The following KIAA1671 variants were observed in gnomAD, a reference collection of about 807,000 sequenced individuals.
KIAA1671 encodes the protein KIAA1671.
A neutral mutation model predicts 131.2 loss-of-function variants in KIAA1671; 52 were observed. The observed-to-expected ratio is 0.40, with a 90% confidence interval of 0.32 to 0.50. The LOEUF is 0.50. Among genes scored for constraint, KIAA1671 ranks in the 20% least tolerant of loss-of-function variants. The pLI is 0.73. For missense variants in KIAA1671, 2,360 were observed against 2,364.2 expected (o/e 1.00, Z 0.04); for synonymous variants, 1,003 against 961.6 (o/e 1.04, Z -0.80).
At chr22:25,003,504 G>A (rs983967510) in intron 1 of KIAA1671, among the ~76,000 whole-genome samples, 20 of 147,274 alleles carry the variant, frequency 1.4e-4, no homozygotes, top group Admixed American at 2.8e-4. Context: ...CTCCACCTCC[G>A]GGGTTCACGC....
At chr22:25,185,143 G>T (rs957961132) in intron 11 of KIAA1671, 24 bp downstream of exon 11, 3 of 1,527,078 alleles carry the variant, frequency 2.0e-6, no homozygotes, top group South Asian at 1.2e-5. Context: ...GGGAATGGGG[G>T]TCCCTCTCCT....
At chr22:25,096,478 G>T (rs539998704) in intron 6 of KIAA1671, among the ~76,000 whole-genome samples, 1 of 152,160 alleles carries the variant, frequency 6.6e-6, no homozygotes, top group African/African-American at 2.4e-5. Flanking sequence ...GGCTTCTCAG[G>T]CTTCCATCTT....
Position 25,032,648 on chromosome 22 carries a change from G to A in KIAA1671, c.1581G>A (p.Glu527=). ...SSASSNEVKY[E]KSAELSGEFP... is the part of the protein sequence containing the mutation. ...CTTCCAGCAACGAAGTCAAATATGA[G>A]AAGAGTGCTGAGCTGAGCGGCGAGT... Residue 527 remains glutamate, a synonymous_variant, in exon 4 of 13, where the codon GAG becomes GAA. Transcript: ENST00000358431. The A allele has an allele frequency of 6.5e-7, 1 of 1,547,934 alleles. No homozygotes were observed. The highest frequency in any genetic ancestry group is 8.7e-7 in the Non-Finnish European group (1 of 1,144,004).
chr22:25,040,578 G>A lies in KIAA1671; in HGVS notation c.3448G>A (p.Ala1150Thr). Residue 1150 changes from alanine (A) to threonine (T), a missense_variant, in exon 5 of 13, where the codon GCG becomes ACG. Physicochemically the swap from Ala to Thr is moderately conservative, Grantham distance 58. Coordinates refer to ENST00000358431, the MANE Select transcript of KIAA1671 (RefSeq NM_001145206.2). ...PRPQSNWKES[A>T]NKMSPSGGAP... Reference sequence around the variant, plus strand: ...TCCTCAAAGCAATTGGAAGGAAAGTGCGAACAAGATGTCCCCCAGCGGCGG... The same window carrying A: ...TCCTCAAAGCAATTGGAAGGAAAGTACGAACAAGATGTCCCCCAGCGGCGG... 1 of 1,551,784 alleles carries A rather than the reference G, an allele frequency of 6.4e-7. No individual in the cohort carries two copies. Among genetic ancestry groups the A allele is most frequent in the Non-Finnish European group, 8.7e-7 (1 of 1,147,024 alleles).
chr22:25,014,373 A>G (rs1379279479), intron 1 of KIAA1671: 4 of 152,118 alleles, frequency 2.6e-5, no homozygotes, highest in Non-Finnish European at 2.9e-5. Context: ...GGAAATGTCA[A>G]CGTTGTTGTA....
intron 6 of KIAA1671, among the ~76,000 whole-genome samples, chr22:25,124,133 G>A (rs1454352470): frequency 6.6e-6 from 1 of 152,170 alleles, no homozygotes; most frequent in Non-Finnish European, 1.5e-5. Context: ...ACCCTTTTAG[G>A]AGTTGGCATG....
At chr22:24,996,694 AG>A (rs757729786) in intron 1 of KIAA1671, among the ~76,000 whole-genome samples, 1 of 152,176 alleles carries the variant, frequency 6.6e-6, no homozygotes, top group Non-Finnish European at 1.5e-5. Flanking sequence ...CCTTGGGGCA[AG>A]GGTAAGTAGC....
At chr22:25,126,202 T>C (rs1290431724) in intron 6 of KIAA1671, among the ~76,000 whole-genome samples, 2 of 152,350 alleles carry the variant, frequency 1.3e-5, no homozygotes, top group Non-Finnish European at 2.9e-5. Flanking sequence ...ATATTTGCTT[T>C]CTGCCAAAGC....
intron 1 of KIAA1671, among the ~76,000 whole-genome samples, chr22:24,956,945 C>T (rs1017285140): frequency 6.6e-6 from 1 of 151,706 alleles, no homozygotes; most frequent in African/African-American, 2.4e-5. Flanking sequence ...GCCCTGCCTG[C>T]TCCTGGCTGT....
rs1335837325 is a variant in KIAA1671, at chr22:25,195,872, C to T, written c.*3471C>T. 6.6e-6 allele frequency: 1 copy of T among 152,238 alleles called. No homozygotes were observed. Among genetic ancestry groups the T allele is most frequent in the African/African-American group, 2.4e-5 (1 of 41,542 alleles). The allele number at this position is 152,238 out of a possible 1,614,324, so 9.4% of individuals were successfully genotyped here. On this transcript the variant is annotated 3_prime_UTR_variant, in exon 13 of 13. Transcript: ENST00000358431. ...ATTCTGTGGTCTCTGAATGTGCCTTCCCCCTCACCGTGTGTTAAAACACAA... is the reference window on the plus strand; with the variant it reads ...ATTCTGTGGTCTCTGAATGTGCCTTTCCCCTCACCGTGTGTTAAAACACAA...
At chr22:25,076,877 AC>A (rs1299007092) in intron 6 of KIAA1671, among the ~76,000 whole-genome samples, 1 of 152,160 alleles carries the variant, frequency 6.6e-6, no homozygotes, top group Non-Finnish European at 1.5e-5. Flanking sequence ...CCTTATAAGA[AC>A]CCCAATGGGT....
At chr22:25,020,521 G>A (rs2123890378) in intron 1 of KIAA1671, among the ~76,000 whole-genome samples, 1 of 152,220 alleles carries the variant, frequency 6.6e-6, no homozygotes, top group South Asian at 2.1e-4. Context: ...TCCAGATATA[G>A]CCATGAACAG....
intron 9 of KIAA1671, 119 bp downstream of exon 9, chr22:25,177,641 T>C (rs762513450): frequency 2.1e-5 from 17 of 823,934 alleles, no homozygotes; most frequent in Non-Finnish European, 2.8e-5. Context: ...CACAATTACA[T>C]AGGAAACTGA....
chr22:25,072,536 AC>A (rs1928883076), intron 6 of KIAA1671, among the ~76,000 whole-genome samples: 1 of 152,124 alleles, frequency 6.6e-6, no homozygotes, highest in Non-Finnish European at 1.5e-5. Context: ...ACAGCCTGGC[AC>A]ACGTGTTAAC....
intron 6 of KIAA1671, among the ~76,000 whole-genome samples, chr22:25,160,421 C>T (rs1474929481): frequency 2.0e-5 from 3 of 152,288 alleles, no homozygotes; most frequent in East Asian, 1.9e-4. Context: ...TCTCTGCGCC[C>T]GTCTCCGTGC....
At chr22:25,177,606 C>A in intron 9 of KIAA1671, 84 bp downstream of exon 9, 1 of 1,222,736 alleles carries the variant, frequency 8.2e-7, no homozygotes. Flanking sequence ...AAATTCCTGA[C>A]TTGGAAGGCT....
intron 6 of KIAA1671, among the ~76,000 whole-genome samples, chr22:25,126,772 G>A (rs903820877): frequency 6.6e-6 from 1 of 152,202 alleles, no homozygotes; most frequent in South Asian, 2.1e-4. Flanking sequence ...TTGAGGCATT[G>A]GAGGCCAGGT....
At chr22:24,992,317 C>T (rs1923883014) in intron 1 of KIAA1671, among the ~76,000 whole-genome samples, 2 of 152,138 alleles carry the variant, frequency 1.3e-5, no homozygotes, top group South Asian at 4.1e-4. Flanking sequence ...CGGGCTTTTA[C>T]TGGGGGACAG....
chr22:25,184,459 C>G (rs1934402479), intron 10 of KIAA1671, among the ~76,000 whole-genome samples: 1 of 152,220 alleles, frequency 6.6e-6, no homozygotes, highest in African/African-American at 2.4e-5. Context: ...CCACTTGCCA[C>G]CACTCACACC....
Sources: gnomAD v4.1 joint callset for allele counts (sites outside exome capture counted in the v4.1 genomes callset) on GRCh38, gnomAD v4.1.1 for gene constraint, MANE v1.5 for transcripts, NCBI Gene and HGNC (gene_info 2026-07-23, HGNC 2026-07-21) for gene names.